Variants in ACBD3 observed in about 807,000 individuals in gnomAD.
ACBD3 encodes the protein Golgi resident protein GCP60.
In ACBD3, 30 loss-of-function variants were observed where a neutral mutation model predicts 66.9. The ratio of observed to expected loss-of-function variants is 0.45; its 90% CI spans 0.34 to 0.61. The LOEUF (loss-of-function observed/expected upper bound fraction) is 0.61, where lower values mean the gene tolerates loss of function less well. ACBD3 is among the 20% of genes least tolerant of loss of function. ACBD3 has a pLI of 0.02. For missense variants in ACBD3, 544 were observed against 664.5 expected (o/e 0.82, Z 1.99); for synonymous variants, 278 against 259.8 (o/e 1.07, Z -0.68).
intron 1 of ACBD3, among the ~76,000 whole-genome samples, chr1:226,178,666 AG>A (rs1656105469): frequency 6.6e-6 from 1 of 151,894 alleles, no homozygotes; most frequent in Non-Finnish European, 1.5e-5. Flanking sequence ...CTGGAGGCAA[AG>A]GAAAGTACCA....
chr1:226,176,457 G>A (rs914460987), intron 1 of ACBD3, among the ~76,000 whole-genome samples: 2 of 143,940 alleles, frequency 1.4e-5, no homozygotes, highest in Non-Finnish European at 3.0e-5. Context: ...AAAGCTTTCA[G>A]GTGCTCTCCA....
chr1:226,172,171 G>A (rs867681361), intron 1 of ACBD3, among the ~76,000 whole-genome samples: 18,694 of 50,914 alleles, frequency 0.37, 1,592 homozygotes, highest in East Asian at 0.44. Flanking sequence ...AAAAAAAAAA[G>A]AGGAATACAT....
intron 6 of ACBD3, 148 bp from the exon 7 acceptor site, chr1:226,152,767 G>A: frequency 1.3e-6 from 1 of 749,364 alleles, no homozygotes; most frequent in South Asian, 1.9e-5. Flanking sequence ...GAATAAAAAA[G>A]CCTCCCCATG....
Position 226,154,761 on chromosome 1 carries a change from T to C in ACBD3, c.976A>G (p.Thr326Ala), listed in dbSNP as rs186444053. Residue 326 changes from threonine (T) to alanine (A), a missense_variant, in exon 6 of 8, where the codon ACT (threonine) becomes GCT (alanine). This residue lies in a region of ACBD3 where 383 missense variants were observed against 462.4 expected (regional missense o/e 0.83). Transcript: ENST00000366812. The part of the protein sequence containing the change: ...SLPTSSKVNA[T>A]VPSNMMSVNG... ...ACTGACATCATATTACTTGGTACAG[T>C]TGCATTCACTTTTGATGATGTAGGC... The C allele has an allele frequency of 1.7e-5, 27 of 1,613,748 alleles. No individual in the cohort carries two copies. Among genetic ancestry groups the C allele is most frequent in the African/African-American group, 1.3e-4 (10 of 75,018 alleles).
intron 1 of ACBD3, among the ~76,000 whole-genome samples, chr1:226,172,058 A>C (rs1660003151): frequency 6.9e-6 from 1 of 145,496 alleles, no homozygotes; most frequent in Non-Finnish European, 1.5e-5. Context: ...GGGACGCTAA[A>C]GCAGGAGAGT....
chr1:226,185,320 T>C (rs1656270378), intron 1 of ACBD3, among the ~76,000 whole-genome samples: 1 of 152,228 alleles, frequency 6.6e-6, no homozygotes, highest in South Asian at 2.1e-4. Flanking sequence ...TTAAAGTTAT[T>C]TTGAGAGAAA....
intron 1 of ACBD3, among the ~76,000 whole-genome samples, chr1:226,167,543 C>A (rs1482562359): frequency 1.3e-5 from 2 of 152,130 alleles, no homozygotes; most frequent in South Asian, 2.1e-4. Context: ...CATTTAAAAG[C>A]CGTATGAAAT....
intron 1 of ACBD3, among the ~76,000 whole-genome samples, chr1:226,168,874 T>G (rs771403069): frequency 2.0e-5 from 3 of 152,246 alleles, no homozygotes; most frequent in Non-Finnish European, 4.4e-5. Context: ...TCACTTTTTA[T>G]TTGAGACGGA....
intron 7 of ACBD3, among the ~76,000 whole-genome samples, chr1:226,150,970 T>G (rs1467279138): frequency 5.3e-5 from 8 of 152,236 alleles, no homozygotes; most frequent in Non-Finnish European, 1.0e-4. Context: ...GATTATCTTT[T>G]GATTAGCATT....
At chr1:226,175,043 C>T (rs1448656422) in intron 1 of ACBD3, among the ~76,000 whole-genome samples, 4 of 139,800 alleles carry the variant, frequency 2.9e-5, no homozygotes, top group South Asian at 2.2e-4. Flanking sequence ...TACAGTGAGC[C>T]GAAATTGCCA....
chr1:226,179,703 C>G (rs1266525499), intron 1 of ACBD3, among the ~76,000 whole-genome samples: 1 of 151,826 alleles, frequency 6.6e-6, no homozygotes, highest in Non-Finnish European at 1.5e-5. Flanking sequence ...ACTAAAAATA[C>G]AAAAATTAGC....
chr1:226,147,150 A>G (rs1038966373), intron 7 of ACBD3, among the ~76,000 whole-genome samples: 4 of 152,210 alleles, frequency 2.6e-5, no homozygotes, highest in Admixed American at 2.6e-4. Context: ...TCGGCCTCCC[A>G]AAGTGCTGGG....
chr1:226,181,408 T>C (rs1488855243), intron 1 of ACBD3, among the ~76,000 whole-genome samples: 1 of 152,240 alleles, frequency 6.6e-6, no homozygotes, highest in African/African-American at 2.4e-5. Context: ...CCATTTCAGT[T>C]GTCCATTTGT....
At chr1:226,163,180 G>A (rs1308588158) in intron 3 of ACBD3, among the ~76,000 whole-genome samples, 1 of 152,150 alleles carries the variant, frequency 6.6e-6, no homozygotes, top group Non-Finnish European at 1.5e-5. Context: ...CAGAGCTTAA[G>A]CTTCAGGATA....
chr1:226,147,085 T>C (rs1659469900), intron 7 of ACBD3, among the ~76,000 whole-genome samples: 1 of 152,138 alleles, frequency 6.6e-6, no homozygotes, highest in African/African-American at 2.4e-5. Flanking sequence ...AGACATGGAC[T>C]TTCACCATGT....
chr1:226,171,701 C>A (rs1381951224), intron 1 of ACBD3, among the ~76,000 whole-genome samples: 1 of 151,236 alleles, frequency 6.6e-6, no homozygotes, highest in Non-Finnish European at 1.5e-5. Flanking sequence ...CCGTGCCTGG[C>A]TAATTTTTGT....
At chr1:226,175,679 A>G (rs1282063559) in intron 1 of ACBD3, among the ~76,000 whole-genome samples, 3 of 152,156 alleles carry the variant, frequency 2.0e-5, no homozygotes, top group African/African-American at 4.8e-5. Flanking sequence ...CAGTAGGAAA[A>G]TGGAAGCAAA....
At chr1:226,178,732 T>G (rs1164332128) in intron 1 of ACBD3, among the ~76,000 whole-genome samples, 1 of 152,184 alleles carries the variant, frequency 6.6e-6, no homozygotes, top group Non-Finnish European at 1.5e-5. Flanking sequence ...CCATAAAATC[T>G]ACGGCGTGGA....
In ACBD3 at chr1:226,145,653, TAAAAG is replaced by T. The variant is rs1204312184; in HGVS notation, c.*952_*956del. ...GGTTTGTGACTAAGTAGTAACAAAT[TAAAAG>T]AAAATAGACTGTCTCTGGCAGTGAT... On this transcript the variant is annotated 3_prime_UTR_variant, in exon 8 of 8. Coordinates refer to ENST00000366812, the MANE Select transcript of ACBD3 (RefSeq NM_022735.4). 1 of 152,628 alleles carries T rather than the reference TAAAAG, an allele frequency of 6.6e-6. No individual in the cohort carries two copies. The highest frequency in any genetic ancestry group is 1.5e-5 in the Non-Finnish European group (1 of 68,022). The allele number at this position is 152,628 out of a possible 1,614,324, so 9.5% of individuals were successfully genotyped here. A position where few individuals can be genotyped will look rare whatever the true frequency, so the allele number is the denominator to read the frequency against.
Sources: allele counts gnomAD v4.1 joint callset (sites outside exome capture counted in the v4.1 genomes callset), GRCh38; gene constraint gnomAD v4.1.1; regional missense constraint gnomAD v4.1.1; transcripts MANE v1.5; gene names NCBI Gene and HGNC (gene_info 2026-07-23, HGNC 2026-07-21).